Variants in PIK3C2A observed in about 807,000 individuals in gnomAD.
The protein encoded by PIK3C2A is phosphatidylinositol 4-phosphate 3-kinase C2 domain-containing subunit alpha.
PIK3C2A carries 97 observed loss-of-function variants against 204.5 expected under a neutral mutation model. That is an observed-to-expected ratio of 0.47 (90% CI 0.40 to 0.56). The LOEUF is 0.56. Ranked by LOEUF, PIK3C2A falls within the 20% of genes least tolerant of loss-of-function variation. The pLI, the probability that PIK3C2A is intolerant of heterozygous loss-of-function variation, is 0.00. For synonymous variants in PIK3C2A, 653 were observed against 664.4 expected (o/e 0.98, Z 0.26); for missense variants, 1,735 against 1,969.2 (o/e 0.88, Z 2.25).
chr11:17,138,093 A>G (rs1171657676), intron 8 of PIK3C2A: 6 of 708,108 alleles, frequency 8.5e-6, no homozygotes, highest in Non-Finnish European at 1.5e-5. Flanking sequence ...ACATGGAATC[A>G]CCATAGGCCC....
chr11:17,104,948 T>C (rs967190751), intron 23 of PIK3C2A, among the ~76,000 whole-genome samples: 1 of 152,098 alleles, frequency 6.6e-6, no homozygotes, highest in African/African-American at 2.4e-5. Flanking sequence ...AAGTATGTGT[T>C]TGGAAATTTT....
intron 8 of PIK3C2A, chr11:17,138,235 A>T: frequency 1.0e-6 from 1 of 960,256 alleles, no homozygotes; most frequent in Non-Finnish European, 1.6e-6. Flanking sequence ...GTACAAAGGT[A>T]AACAATTCTA....
Position 17,135,040 on chromosome 11 carries a change from G to T in PIK3C2A, c.1898-11C>A, listed in dbSNP as rs565434381. 1 of 1,601,590 alleles carries T rather than the reference G, an allele frequency of 6.2e-7. No individual in the cohort carries two copies. The highest frequency in any genetic ancestry group is 1.1e-5 in the South Asian group (1 of 89,946). Reference sequence around the variant, plus strand: ...CAGGATTAAGTGAGCCTAGATTAAAGAAAAAAAAAGTTAATAGATTCTCTG... The same window carrying T: ...CAGGATTAAGTGAGCCTAGATTAAATAAAAAAAAAGTTAATAGATTCTCTG... On this transcript the variant is annotated splice_polypyrimidine_tract_variant and intron_variant, in intron 10 of 32. Coordinates refer to ENST00000691414, the MANE Select transcript of PIK3C2A (RefSeq NM_002645.4).
chr11:17,134,144 C>G (rs1849792864), intron 11 of PIK3C2A, among the ~76,000 whole-genome samples: 1 of 152,082 alleles, frequency 6.6e-6, no homozygotes, highest in East Asian at 1.9e-4. Flanking sequence ...CATTTAAACA[C>G]CAAGATAACT....
At chr11:17,172,829 T>C (rs1046744001) in intron 1 of PIK3C2A, among the ~76,000 whole-genome samples, 5 of 152,222 alleles carry the variant, frequency 3.3e-5, no homozygotes, top group Non-Finnish European at 7.3e-5. Flanking sequence ...CTCCTTTGCA[T>C]TGTTAACTTA....
chr11:17,122,958 T>C (rs1849410950), intron 13 of PIK3C2A, 145 bp from the exon 14 acceptor site: 1 of 553,104 alleles, frequency 1.8e-6, no homozygotes, highest in African/African-American at 1.9e-5. Flanking sequence ...GGATTCACTC[T>C]CCACATTGTA....
At chr11:17,173,968 A>G (rs1342581626) in intron 1 of PIK3C2A, among the ~76,000 whole-genome samples, 1 of 151,896 alleles carries the variant, frequency 6.6e-6, no homozygotes, top group Non-Finnish European at 1.5e-5. Flanking sequence ...ACACCCGGCT[A>G]ATTTTTGTAT....
intron 1 of PIK3C2A, among the ~76,000 whole-genome samples, chr11:17,201,862 C>G (rs1312751433): frequency 6.6e-6 from 1 of 152,182 alleles, no homozygotes; most frequent in Non-Finnish European, 1.5e-5. Context: ...GGAATATAAA[C>G]TTCCCAAAGG....
At chr11:17,093,504 T>C (rs1394599635) in intron 28 of PIK3C2A, among the ~76,000 whole-genome samples, 1 of 152,182 alleles carries the variant, frequency 6.6e-6, no homozygotes, top group Non-Finnish European at 1.5e-5. Context: ...GACCTCGTGA[T>C]CCGCCCGCCT....
At chr11:17,197,799 G>A (rs1268758185) in intron 1 of PIK3C2A, among the ~76,000 whole-genome samples, 1 of 152,128 alleles carries the variant, frequency 6.6e-6, no homozygotes, top group East Asian at 1.9e-4. Flanking sequence ...CAACATGACA[G>A]ATAACAGTAA....
At chr11:17,179,063 C>T (rs1851443341) in intron 1 of PIK3C2A, among the ~76,000 whole-genome samples, 1 of 152,192 alleles carries the variant, frequency 6.6e-6, no homozygotes, top group Non-Finnish European at 1.5e-5. Context: ...TGGGGTTTCA[C>T]CACGTTGGTC....
chr11:17,148,186 G>A (rs1414822793), intron 5 of PIK3C2A: 1 of 148,710 alleles, frequency 6.7e-6, no homozygotes, highest in East Asian at 2.0e-4. Context: ...TCCAGCCTGG[G>A]TAACGAGTGA....
At chr11:17,112,257 G>C (rs796717053) in intron 21 of PIK3C2A, among the ~76,000 whole-genome samples, 3 of 152,212 alleles carry the variant, frequency 2.0e-5, no homozygotes, top group African/African-American at 7.2e-5. Context: ...TTCAAGACCA[G>C]CCTGGCCAAC....
intron 1 of PIK3C2A, among the ~76,000 whole-genome samples, chr11:17,207,482 G>C (rs1162368108): frequency 6.6e-6 from 1 of 152,218 alleles, no homozygotes; most frequent in African/African-American, 2.4e-5. Context: ...TGCGGCTCCA[G>C]CCCGGTCCCG....
In PIK3C2A at chr11:17,092,287, A is replaced by G. The variant is rs773976707; in HGVS notation, c.4452-11T>C. On this transcript the variant is annotated splice_polypyrimidine_tract_variant and intron_variant, in intron 28 of 32. Coordinates refer to ENST00000691414, the MANE Select transcript of PIK3C2A (RefSeq NM_002645.4). ...ATCCTATTAGGAAAGCTACAAAAGAAAAACAAAAACAAGTGGGATTTAAAT... is the reference window on the plus strand; with the variant it reads ...ATCCTATTAGGAAAGCTACAAAAGAGAAACAAAAACAAGTGGGATTTAAAT... The G allele has an allele frequency of 1.1e-5, 13 of 1,163,828 alleles. No homozygotes were observed. Among genetic ancestry groups the G allele is most frequent in the Non-Finnish European group, 1.7e-5 (13 of 779,326 alleles). The allele number at this position is 1,163,828 out of a possible 1,614,324, so 72.1% of individuals were successfully genotyped here.
intron 1 of PIK3C2A, among the ~76,000 whole-genome samples, chr11:17,174,316 G>A (rs12788073): frequency 0.53 from 63,534 of 119,372 alleles, 17,980 homozygotes; most frequent in East Asian, 0.8. Flanking sequence ...GGCCGGGCGC[G>A]GTGGCTCACG....
rs571168431 is a variant in PIK3C2A, at chr11:17,138,307, C to T, written c.1705-1682G>A. Reference sequence around the variant, plus strand: ...AGGATATGCCAAATGCCCCGGAAGACGAAAAACAGCCAGCTTCCTTTTTTT... The same window carrying T: ...AGGATATGCCAAATGCCCCGGAAGATGAAAAACAGCCAGCTTCCTTTTTTT... On this transcript the variant is annotated intron_variant, in intron 8 of 32. Transcript: ENST00000691414. 82 of 537,406 alleles carry T rather than the reference C, an allele frequency of 1.5e-4. 1 individual carries two copies. Among genetic ancestry groups the T allele is most frequent in the African/African-American group, 7.4e-4 (36 of 48,888 alleles). The allele number at this position is 537,406 out of a possible 1,614,324, so 33.3% of individuals were successfully genotyped here. A position where few individuals can be genotyped will look rare whatever the true frequency, so the allele number is the denominator to read the frequency against.
At chr11:17,093,647 T>TTG (rs750225443) in intron 28 of PIK3C2A, among the ~76,000 whole-genome samples, 4 of 133,234 alleles carry the variant, frequency 3.0e-5, no homozygotes, top group African/African-American at 5.6e-5. Flanking sequence ...ACTTTTTTTT[T>TTG]GGGGGGGGGG....
chr11:17,125,642 G>A (rs1429798894), intron 13 of PIK3C2A, among the ~76,000 whole-genome samples: 2 of 151,930 alleles, frequency 1.3e-5, no homozygotes, highest in Admixed American at 6.6e-5. Flanking sequence ...AGCCTCCCAA[G>A]TAGCTGGGAC....
Sources: allele counts gnomAD v4.1 joint callset (sites outside exome capture counted in the v4.1 genomes callset), GRCh38; gene constraint gnomAD v4.1.1; transcripts MANE v1.5; gene names NCBI Gene and HGNC (gene_info 2026-07-23, HGNC 2026-07-21).